Variants in GPM6A observed in about 807,000 individuals in gnomAD.
GPM6A encodes neuronal membrane glycoprotein M6-a.
In GPM6A, 7 loss-of-function variants were observed where a neutral mutation model predicts 32.1. The ratio of observed to expected loss-of-function variants is 0.22; its 90% CI spans 0.12 to 0.41. The LOEUF is 0.41. Ranked by LOEUF, GPM6A falls within the 10% of genes least tolerant of loss-of-function variation. The pLI, the probability that GPM6A is intolerant of heterozygous loss-of-function variation, is 1.00. For missense variants in GPM6A, 235 were observed against 347.2 expected (o/e 0.68, Z 2.57); for synonymous variants, 130 against 123.4 (o/e 1.05, Z -0.35).
intron 1 of GPM6A, among the ~76,000 whole-genome samples, chr4:175,956,501 T>C (rs1480827094): frequency 1.3e-5 from 2 of 152,202 alleles, no homozygotes; most frequent in Non-Finnish European, 2.9e-5. Flanking sequence ...TTACAGTAAG[T>C]TTTAAACCAA....
At chr4:175,816,784 G>A (rs1333260388), upstream of GPM6A, among the ~76,000 whole-genome samples, 1 of 152,168 alleles carries the variant, frequency 6.6e-6, no homozygotes, top group African/African-American at 2.4e-5. Flanking sequence ...TTTTGACAGA[G>A]AAAAAGGACC....
chr4:175,707,033 C>G lies in GPM6A; in HGVS notation c.38-5266G>C, dbSNP rs531919460. On this transcript the variant is annotated intron_variant, in intron 1 of 6. Coordinates refer to ENST00000393658, the MANE Select transcript of GPM6A (RefSeq NM_201591.3). ...CTACATGGTCTAAAAAGGGGAGGAA[C>G]CATCAGTTCCAAAAATTGCTCCCCC... Among the ~76,000 whole-genome samples, 4 of 152,252 alleles carry G rather than the reference C, an allele frequency of 2.6e-5. No homozygotes were observed. The South Asian group carries it at 8.3e-4, about 32-fold the overall frequency.
At chr4:175,888,009 A>T (rs1737517888) in intron 1 of GPM6A, among the ~76,000 whole-genome samples, 1 of 151,936 alleles carries the variant, frequency 6.6e-6, no homozygotes, top group East Asian at 1.9e-4. Flanking sequence ...TCTTAATACC[A>T]AAGACAGGTA....
At chr4:175,846,701 T>C (rs1468754218) in intron 1 of GPM6A, among the ~76,000 whole-genome samples, 2 of 152,188 alleles carry the variant, frequency 1.3e-5, no homozygotes, top group Non-Finnish European at 2.9e-5. Flanking sequence ...TTTCACTGAT[T>C]CTGCCAATTT....
At chr4:175,746,152 C>G (rs956974612) in intron 1 of GPM6A, among the ~76,000 whole-genome samples, 1 of 152,096 alleles carries the variant, frequency 6.6e-6, no homozygotes, top group African/African-American at 2.4e-5. Context: ...ATATGAACAA[C>G]AGCTTTCCCC....
intron 1 of GPM6A, among the ~76,000 whole-genome samples, chr4:175,792,894 T>G (rs933887138): frequency 6.6e-6 from 1 of 152,110 alleles, no homozygotes; most frequent in African/African-American, 2.4e-5. Context: ...AAGTTGACAA[T>G]GTGGCCGACC....
intron 1 of GPM6A, among the ~76,000 whole-genome samples, chr4:175,795,502 C>A (rs577799646): frequency 6.6e-6 from 1 of 152,228 alleles, no homozygotes; most frequent in East Asian, 1.9e-4. Context: ...ATAATCTCAA[C>A]ATTTTCGGTG....
At chr4:175,906,025 G>A (rs1015863535) in intron 1 of GPM6A, among the ~76,000 whole-genome samples, 1 of 152,108 alleles carries the variant, frequency 6.6e-6, no homozygotes, top group African/African-American at 2.4e-5. Context: ...TCTTGGTAAT[G>A]AAAATTGCAG....
At chr4:175,874,785 G>A (rs1737028907) in intron 1 of GPM6A, among the ~76,000 whole-genome samples, 1 of 151,898 alleles carries the variant, frequency 6.6e-6, no homozygotes, top group Admixed American at 6.6e-5. Flanking sequence ...GATGGAAAAT[G>A]GGAGAAGAGG....
intron 1 of GPM6A, among the ~76,000 whole-genome samples, chr4:175,878,848 C>T (rs1314362644): frequency 6.6e-6 from 1 of 152,130 alleles, no homozygotes; most frequent in East Asian, 1.9e-4. Flanking sequence ...AACTTTTATG[C>T]TTTGCTTCCC....
At chr4:175,944,506 GATTAAAATAC>G (rs1293116505) in intron 1 of GPM6A, among the ~76,000 whole-genome samples, 1 of 151,958 alleles carries the variant, frequency 6.6e-6, no homozygotes, top group Non-Finnish European at 1.5e-5. Context: ...CATTTACATA[GATTAAAATAC>G]ATTATTCCTT....
At chr4:175,744,197 T>C (rs866393099) in intron 1 of GPM6A, among the ~76,000 whole-genome samples, 1 of 151,994 alleles carries the variant, frequency 6.6e-6, no homozygotes, top group Non-Finnish European at 1.5e-5. Flanking sequence ...ACAAATAAAA[T>C]TTTTAAAAGG....
chr4:175,830,213 T>A (rs533357031), intron 1 of GPM6A, among the ~76,000 whole-genome samples: 1 of 152,140 alleles, frequency 6.6e-6, no homozygotes, highest in Non-Finnish European at 1.5e-5. Flanking sequence ...TTGGGGCCCA[T>A]GAGCTAGCAG....
chr4:175,949,727 T>C (rs1011886980), intron 1 of GPM6A, among the ~76,000 whole-genome samples: 7 of 152,196 alleles, frequency 4.6e-5, no homozygotes, highest in Non-Finnish European at 1.0e-4. Context: ...AAGTTTGATT[T>C]TAAACTCATG....
At chr4:175,931,371 G>A (rs1309548289) in intron 1 of GPM6A, among the ~76,000 whole-genome samples, 1 of 151,998 alleles carries the variant, frequency 6.6e-6, no homozygotes, top group Non-Finnish European at 1.5e-5. Context: ...AACACTTTTT[G>A]ACACTTTTTG....
intron 1 of GPM6A, among the ~76,000 whole-genome samples, chr4:175,834,537 A>G (rs1735707104): frequency 6.6e-6 from 1 of 152,074 alleles, no homozygotes; most frequent in African/African-American, 2.4e-5. Context: ...GTAAACTCAC[A>G]TTGCTTGAGT....
intron 6 of GPM6A, among the ~76,000 whole-genome samples, chr4:175,637,725 TATATTATATATTATATAAAA>T (rs1740867072): frequency 2.5e-4 from 2 of 8,024 alleles, no homozygotes; most frequent in Non-Finnish European, 7.4e-4. Flanking sequence ...TTATATATAA[TATATTATATATTATATAAAA>T]ATATAATATA....
At chr4:175,987,219 G>A (rs1208412750) in intron 1 of GPM6A, among the ~76,000 whole-genome samples, 3 of 152,128 alleles carry the variant, frequency 2.0e-5, no homozygotes, top group Non-Finnish European at 4.4e-5. Flanking sequence ...AAATTACTTG[G>A]TGAATGAATT....
At chr4:175,850,215 G>T (rs1209494289) in intron 1 of GPM6A, among the ~76,000 whole-genome samples, 1 of 152,098 alleles carries the variant, frequency 6.6e-6, no homozygotes, top group Non-Finnish European at 1.5e-5. Context: ...AGAACCCTAA[G>T]CTATAAAGAG....
Sources: allele counts gnomAD v4.1 joint callset (sites outside exome capture counted in the v4.1 genomes callset), GRCh38; gene constraint gnomAD v4.1.1; transcripts MANE v1.5; gene names NCBI Gene and HGNC (gene_info 2026-07-23, HGNC 2026-07-21).